The following SLC14A2 variants were observed in gnomAD, a reference collection of about 807,000 sequenced individuals.
The protein encoded by SLC14A2 is urea transporter 2.
In SLC14A2, 91 loss-of-function variants were observed where a neutral mutation model predicts 104.6. The ratio of observed to expected loss-of-function variants is 0.87; its 90% CI spans 0.73 to 1.04. SLC14A2 has a LOEUF of 1.04. SLC14A2 is among the 50% of genes least tolerant of loss of function. The pLI, the probability that SLC14A2 is intolerant of heterozygous loss-of-function variation, is 0.00. For missense variants in SLC14A2, 1,189 were observed against 1,156.0 expected, an observed-to-expected ratio of 1.03 and a Z score of -0.41; for synonymous variants, 476 against 466.4, an observed-to-expected ratio of 1.02 and a Z score of -0.27.
the SLC14A2 span, among the ~76,000 whole-genome samples, chr18:45,196,559 T>A: frequency 6.6e-6 from 1 of 152,172 alleles, no homozygotes; most frequent in Non-Finnish European, 1.5e-5. Flanking sequence ...CAAGGTGATA[T>A]TGAGGAATAT....
chr18:45,442,473 C>A (rs1376234176), intron 1 of SLC14A2, among the ~76,000 whole-genome samples: 2 of 152,194 alleles, frequency 1.3e-5, no homozygotes, highest in Non-Finnish European at 2.9e-5. Context: ...TCACTCAGAT[C>A]TCTGCCTTCA....
In SLC14A2 at chr18:45,682,882, CAG is replaced by C; in HGVS notation, c.*364_*365del. ...GGCCGAGGCGGGTGGATCACGAGGT[CAG>C]GAGATCGAGACCATCCTGGCGAACA... On this transcript the variant is annotated 3_prime_UTR_variant, in exon 20 of 20. Transcript: ENST00000255226. The C allele has an allele frequency of 8.3e-6, 2 of 241,846 alleles. No homozygotes were observed. The highest frequency in any genetic ancestry group is 5.5e-5 in the South Asian group (1 of 18,068). 15.0% of individuals were successfully genotyped at this position (241,846 alleles called of 1,614,324 possible).
chr18:45,271,035 A>G (rs1038125784), intron 1 of SLC14A2, among the ~76,000 whole-genome samples: 6 of 152,190 alleles, frequency 3.9e-5, no homozygotes, highest in Non-Finnish European at 5.9e-5. Context: ...AGGTAAAACA[A>G]TTCTGCAGCA....
intron 18 of SLC14A2, among the ~76,000 whole-genome samples, chr18:45,676,700 A>G (rs1438319443): frequency 4.6e-5 from 7 of 152,154 alleles, no homozygotes; most frequent in Admixed American, 1.3e-4. Context: ...TGCCCCATCC[A>G]AAGTGTCCAT....
At chr18:45,540,196 G>A (rs1317933507) in intron 2 of SLC14A2, among the ~76,000 whole-genome samples, 1 of 152,128 alleles carries the variant, frequency 6.6e-6, no homozygotes, top group African/African-American at 2.4e-5. Context: ...GACTGAAGTG[G>A]GCAGGACCTC....
intron 2 of SLC14A2, among the ~76,000 whole-genome samples, chr18:45,533,855 T>C (rs1470957291): frequency 6.6e-6 from 1 of 152,222 alleles, no homozygotes; most frequent in Non-Finnish European, 1.5e-5. Context: ...AATGTCCCTC[T>C]ACACACTGCT....
At chr18:45,292,996 C>T (rs1388710707) in intron 1 of SLC14A2, among the ~76,000 whole-genome samples, 1 of 151,720 alleles carries the variant, frequency 6.6e-6, no homozygotes, top group African/African-American at 2.4e-5. Flanking sequence ...CGCCCCTGCC[C>T]CCCCGCAAAA....
At chr18:45,372,195 C>G (rs1253532472) in intron 1 of SLC14A2, among the ~76,000 whole-genome samples, 1 of 151,980 alleles carries the variant, frequency 6.6e-6, no homozygotes, top group Non-Finnish European at 1.5e-5. Flanking sequence ...GCCTGTAATC[C>G]CAGCTACTCG....
intron 2 of SLC14A2, among the ~76,000 whole-genome samples, chr18:45,584,535 C>A (rs369276299): frequency 6.6e-6 from 1 of 152,146 alleles, no homozygotes; most frequent in African/African-American, 2.4e-5. Flanking sequence ...CATCACAGAA[C>A]GAGGTTTGAT....
intron 1 of SLC14A2, among the ~76,000 whole-genome samples, chr18:45,328,767 T>TTTATGAAAAGCAAAGGAA (rs2085261064): frequency 6.6e-6 from 1 of 152,200 alleles, no homozygotes; most frequent in South Asian, 2.1e-4. Context: ...CCAATTGGTT[T>TTTATGAAAAGCAAAGGAA]TTATGAAAAG....
intron 1 of SLC14A2, among the ~76,000 whole-genome samples, chr18:45,296,215 G>T (rs539290246): frequency 6.6e-6 from 1 of 152,282 alleles, no homozygotes; most frequent in East Asian, 1.9e-4. Context: ...AACAGATTAA[G>T]AACCCTGCCT....
At chr18:45,535,293 C>G (rs533041427) in intron 2 of SLC14A2, among the ~76,000 whole-genome samples, 2 of 152,202 alleles carry the variant, frequency 1.3e-5, no homozygotes, top group African/African-American at 4.8e-5. Flanking sequence ...TTTCTGACAA[C>G]TTTTCCAACT....
intron 1 of SLC14A2, among the ~76,000 whole-genome samples, chr18:45,275,502 G>A (rs2084692815): frequency 6.6e-6 from 1 of 152,206 alleles, no homozygotes; most frequent in Non-Finnish European, 1.5e-5. Flanking sequence ...AGACAGCAGG[G>A]TATAAAAGAA....
intron 1 of SLC14A2, among the ~76,000 whole-genome samples, chr18:45,458,966 G>A (rs1353985098): frequency 6.6e-6 from 1 of 152,176 alleles, no homozygotes; most frequent in Non-Finnish European, 1.5e-5. Context: ...ATAGGACAAC[G>A]ATAATAAGGT....
intron 10 of SLC14A2, among the ~76,000 whole-genome samples, chr18:45,656,370 G>C (rs1004310951): frequency 2.6e-5 from 4 of 152,200 alleles, no homozygotes; most frequent in African/African-American, 9.6e-5. Context: ...CGTTGGGAAA[G>C]AAAAGGGTGA....
chr18:45,641,358 A>G lies in SLC14A2; in HGVS notation c.1126+15A>G. The G allele has an allele frequency of 6.2e-7, 1 of 1,614,082 alleles. No homozygotes were observed. The highest frequency in any genetic ancestry group is 8.5e-7 in the Non-Finnish European group (1 of 1,179,976). On this transcript the variant is annotated intron_variant, in intron 8 of 19. Coordinates refer to ENST00000255226, the MANE Select transcript of SLC14A2 (RefSeq NM_007163.4). Reference sequence around the variant, plus strand: ...CCTCATCTGTGGTAGGTGTTCAGAAAAGCTGACAACCAGGTTATTCTGGCT... The same window carrying G: ...CCTCATCTGTGGTAGGTGTTCAGAAGAGCTGACAACCAGGTTATTCTGGCT...
chr18:45,328,264 G>A (rs1040141400), intron 1 of SLC14A2, among the ~76,000 whole-genome samples: 1 of 152,192 alleles, frequency 6.6e-6, no homozygotes. Flanking sequence ...CAAAAAGGAA[G>A]TGTGGTCCTG....
intron 2 of SLC14A2, among the ~76,000 whole-genome samples, chr18:45,578,120 C>T (rs2044439398): frequency 6.6e-6 from 1 of 152,134 alleles, no homozygotes; most frequent in Admixed American, 6.6e-5. Context: ...CTGAAAGGCT[C>T]TCCTCTTTCT....
At chr18:45,320,420 G>A (rs1250863771) in intron 1 of SLC14A2, among the ~76,000 whole-genome samples, 1 of 152,224 alleles carries the variant, frequency 6.6e-6, no homozygotes, top group Non-Finnish European at 1.5e-5. Context: ...GGAATGGTAA[G>A]AAAGAAAATA....
Sources: gnomAD v4.1 joint callset for allele counts (sites outside exome capture counted in the v4.1 genomes callset) on GRCh38, gnomAD v4.1.1 for gene constraint, MANE v1.5 for transcripts, NCBI Gene and HGNC (gene_info 2026-07-23, HGNC 2026-07-21) for gene names.